The following DHX58 variants were observed in gnomAD, a reference collection of about 807,000 sequenced individuals.
DHX58 encodes the protein ATP-dependent RNA helicase DHX58.
A neutral mutation model predicts 65.0 loss-of-function variants in DHX58; 51 were observed. The ratio of observed to expected loss-of-function variants is 0.78; its 90% CI spans 0.63 to 0.99. DHX58 has a LOEUF of 0.99. DHX58 is among the 50% of genes least tolerant of loss of function. The pLI, the probability that DHX58 is intolerant of heterozygous loss-of-function variation, is 0.00. For synonymous variants in DHX58, 350 were observed against 365.0 expected (o/e 0.96, Z 0.47); for missense variants, 773 against 891.8 (o/e 0.87, Z 1.70).
chr17:42,105,863 C>A lies in DHX58; in HGVS notation c.1124G>T (p.Arg375Leu), dbSNP rs371767581. Reference protein sequence around the residue: ...SNSPRGIIFTRTRQSAHSLLL... With the variant: ...SNSPRGIIFTLTRQSAHSLLL... ...GAGGGAGTGTGCGCTTTGGCGGGTG[C>A]GGGTGAAGATGATACCCCGAGGGCT... is the stretch of plus-strand genomic sequence containing the variant. The change falls in exon 9 of 14, where the codon CGC becomes CTC. Residue 375 changes from arginine (R) to leucine (L), a missense_variant. Arg to Leu is a moderately radical substitution (Grantham distance 102, BLOSUM62 -2). Coordinates refer to ENST00000251642, the MANE Select transcript of DHX58 (RefSeq NM_024119.3). 6 of 1,613,778 alleles carry A rather than the reference C, an allele frequency of 3.7e-6. No individual in the cohort carries two copies. Among genetic ancestry groups the A allele is most frequent in the Non-Finnish European group, 5.1e-6 (6 of 1,179,996 alleles).
At position 42,103,843 on chromosome 17, in the gene DHX58, C is replaced by T. The variant is rs782105224; in HGVS notation, c.1564-45G>A. The T allele has an allele frequency of 2.9e-5, 46 of 1,574,652 alleles. 1 individual carries two copies. The highest frequency in any genetic ancestry group is 2.2e-4 in the Middle Eastern group (1 of 4,452). ...CAGGCATGGCTGGGGCCTAAGAGAA[C>T]GTTCCTTGGGGGACAAAAGGTTCCC... On this transcript the variant is annotated intron_variant, in intron 11 of 13. Coordinates refer to ENST00000251642, the MANE Select transcript of DHX58 (RefSeq NM_024119.3).
In DHX58 at chr17:42,111,710, G is replaced by A. The variant is rs1227542720; in HGVS notation, c.168+15C>T. 2.5e-6 allele frequency: 4 copies of A among 1,603,750 alleles called. No homozygotes were observed. The African/African-American group carries it at 5.3e-5, about 21-fold the overall frequency. ...GCTTGGTGGTGGGAGAGCGGGGTAG[G>A]GACAGACCACTCACCCTGTTGACCA... is the stretch of plus-strand genomic sequence containing the variant. On this transcript the variant is annotated intron_variant, in intron 3 of 13. Coordinates refer to ENST00000251642, the MANE Select transcript of DHX58 (RefSeq NM_024119.3).
chr17:42,105,180 G>A lies in DHX58; in HGVS notation c.1252-13C>T, dbSNP rs782341984. ...CTTGCTGGTCCCTCTGCAGGCGGAG[G>A]GCAGGGAGGAGAAAGAGGCTGGTAC... On this transcript the variant is annotated splice_polypyrimidine_tract_variant and intron_variant, in intron 9 of 13. Transcript: ENST00000251642. The A allele has an allele frequency of 1.9e-6, 3 of 1,599,810 alleles. No homozygotes were observed. The highest frequency in any genetic ancestry group is 2.6e-6 in the Non-Finnish European group (3 of 1,172,626).
chr17:42,107,086 G>A (rs1361989419), intron 8 of DHX58, among the ~76,000 whole-genome samples: 1 of 152,106 alleles, frequency 6.6e-6, no homozygotes, highest in Non-Finnish European at 1.5e-5. Context: ...TCTGGGCCGG[G>A]CACAGTGGCT....
rs16967493 is a variant in DHX58, at chr17:42,111,459, G to T, written c.207C>A (p.Arg69=). The change falls in exon 4 of 14, where the codon CGC becomes CGA. Residue 69 remains arginine (R), a synonymous_variant. Transcript: ENST00000251642. Reference sequence around the variant, plus strand: ...TCACGGTCCAGCGTCCATCCAGCATGCGCCTGAACTCTTCACCATGCTGGG... The same window carrying T: ...TCACGGTCCAGCGTCCATCCAGCATTCGCCTGAACTCTTCACCATGCTGGG... ...LVTQHGEEFR[R]MLDGRWTVTT... The T allele has an allele frequency of 1.8e-5, 29 of 1,614,038 alleles. No individual in the cohort carries two copies. The highest frequency in any genetic ancestry group is 3.3e-4 in the Middle Eastern group (2 of 6,084).
At chr17:42,112,580 GGGGT>G (rs1370373063) in intron 1 of DHX58, 21 bp downstream of exon 1, 1 of 143,866 alleles carries the variant, frequency 7.0e-6, no homozygotes, top group Admixed American at 6.7e-5. Flanking sequence ...GGGGTGGGGG[GGGGT>G]GGGAGTAACA....
chr17:42,111,150 AC>A, intron 4 of DHX58, 145 bp downstream of exon 4: 1 of 1,071,930 alleles, frequency 9.3e-7, no homozygotes, highest in South Asian at 1.6e-5. Context: ...GCCTGTTTCT[AC>A]TAGAGTGCCT....
Position 42,101,837 on chromosome 17 carries a change from C to G in DHX58, c.1961G>C (p.Arg654Pro). 6.2e-7 allele frequency: 1 copy of G among 1,614,228 alleles called. No homozygotes were observed. Among genetic ancestry groups the G allele is most frequent in the Non-Finnish European group, 8.5e-7 (1 of 1,180,052 alleles). ...QGRIQAKKWS[R>P]VPFSVPDFDF... ...AAAGTCAGGCACGGAGAAGGGCACG[C>G]GGGACCACTTTTTGGCCTGGATCCG... Residue 654 changes from arginine (R) to proline (P), a missense_variant, in exon 14 of 14, where the codon CGC (arginine) becomes CCC (proline). Coordinates refer to ENST00000251642, the MANE Select transcript of DHX58 (RefSeq NM_024119.3).
At chr17:42,104,640 A>T in intron 11 of DHX58, 126 bp downstream of exon 11, 1 of 1,302,076 alleles carries the variant, frequency 7.7e-7, no homozygotes, top group Non-Finnish European at 1.0e-6. Context: ...AACCTTCCCT[A>T]GGTGGCCAAA....
intron 8 of DHX58, among the ~76,000 whole-genome samples, chr17:42,107,175 A>G (rs2054073460): frequency 6.6e-6 from 1 of 152,130 alleles, no homozygotes; most frequent in Non-Finnish European, 1.5e-5. Flanking sequence ...CAGCCTGGGC[A>G]ACAAAGCAAG....
Position 42,112,176 on chromosome 17 carries a change from C to T in DHX58, c.-65G>A. On this transcript the variant is annotated 5_prime_UTR_variant, in exon 2 of 14. Transcript: ENST00000251642. ...TAACTCAGCCTGGTGCCACTCTGCT[C>T]AGCTCAGAGACCCAAGATGGAAACT... 3.2e-6 allele frequency: 1 copy of T among 312,288 alleles called. No homozygotes were observed. Among genetic ancestry groups the T allele is most frequent in the Admixed American group, 5.0e-5 (1 of 19,928 alleles). The allele number at this position is 312,288 out of a possible 1,614,324, so 19.3% of individuals were successfully genotyped here. A position where few individuals can be genotyped will look rare whatever the true frequency, so the allele number is the denominator to read the frequency against.
At chr17:42,111,633 C>A in intron 3 of DHX58, 92 bp downstream of exon 3, 1 of 1,568,278 alleles carries the variant, frequency 6.4e-7, no homozygotes, top group Non-Finnish European at 8.7e-7. Flanking sequence ...ATGGCCACAG[C>A]AGCTTTGGAG....
At chr17:42,106,892 A>C (rs2054069877) in intron 8 of DHX58, among the ~76,000 whole-genome samples, 1 of 152,204 alleles carries the variant, frequency 6.6e-6, no homozygotes. Flanking sequence ...ACAGAACCTC[A>C]GACCAGAACC....
intron 8 of DHX58, 124 bp downstream of exon 8, chr17:42,107,480 A>G: frequency 8.7e-7 from 1 of 1,143,914 alleles, no homozygotes; most frequent in Non-Finnish European, 1.2e-6. Context: ...GGTTAGAAAA[A>G]TAGGATCTCC....
intron 6 of DHX58, among the ~76,000 whole-genome samples, chr17:42,108,740 C>G (rs182959041): frequency 6.6e-6 from 1 of 150,918 alleles, no homozygotes; most frequent in East Asian, 1.9e-4. Context: ...AGGGCCGGAG[C>G]AGACAGCCCA....
intron 12 of DHX58, 149 bp from the exon 13 acceptor site, chr17:42,102,461 TG>T: frequency 1.5e-6 from 1 of 671,832 alleles, no homozygotes; most frequent in Non-Finnish European, 2.6e-6. Flanking sequence ...ATCCAATCTT[TG>T]GTGAGTTCTA....
rs1392240094 is a variant in DHX58, at chr17:42,101,691, G to A, written c.*70C>T. Reference sequence around the variant, plus strand: ...CCCACAGCTGATGATTCAGGAAGGAGGGGCCTGGAGTCTGCTGCAGACTCT... The same window carrying A: ...CCCACAGCTGATGATTCAGGAAGGAAGGGCCTGGAGTCTGCTGCAGACTCT... On this transcript the variant is annotated 3_prime_UTR_variant, in exon 14 of 14. Coordinates refer to ENST00000251642, the MANE Select transcript of DHX58 (RefSeq NM_024119.3). 1.5e-5 allele frequency: 23 copies of A among 1,552,804 alleles called. No individual in the cohort carries two copies. The highest frequency in any genetic ancestry group is 2.3e-4 in the Middle Eastern group (1 of 4,334).
At position 42,105,922 on chromosome 17, in the gene DHX58, T is replaced by G; in HGVS notation, c.1065A>C (p.Glu355Asp). 6.2e-7 allele frequency: 1 copy of G among 1,613,824 alleles called. No individual in the cohort carries two copies. Among genetic ancestry groups the G allele is most frequent in the Non-Finnish European group, 8.5e-7 (1 of 1,180,000 alleles). The change falls in exon 9 of 14, where the codon GAA becomes GAC. Residue 355 changes from glutamate to aspartate, a missense_variant. Coordinates refer to ENST00000251642, the MANE Select transcript of DHX58 (RefSeq NM_024119.3). ...TACTGAACTGCCTTTGCAGGATCTT[T>G]TCCAGCATCTCCAGTTTTGGATTCT... ...GPENPKLEMLEKILQRQFSSS... is the reference protein window; with the variant it reads ...GPENPKLEMLDKILQRQFSSS...
intron 8 of DHX58, among the ~76,000 whole-genome samples, chr17:42,106,819 C>T (rs548078534): frequency 6.6e-6 from 1 of 151,306 alleles, no homozygotes; most frequent in African/African-American, 2.4e-5. Context: ...AAAACAAAAA[C>T]AAAAAAGGAT....
Sources: gnomAD v4.1 joint callset for allele counts (sites outside exome capture counted in the v4.1 genomes callset) on GRCh38, gnomAD v4.1.1 for gene constraint, MANE v1.5 for transcripts, NCBI Gene and HGNC (gene_info 2026-07-23, HGNC 2026-07-21) for gene names.